Variants in SCHIP1 observed in about 807,000 individuals in gnomAD.
The protein encoded by SCHIP1 is schwannomin interacting protein 1, also known as schwannomin-interacting protein 1.
SCHIP1 carries 8 observed loss-of-function variants against 29.7 expected under a neutral mutation model. The ratio of observed to expected loss-of-function variants is 0.27; its 90% CI spans 0.16 to 0.49. SCHIP1 has a LOEUF of 0.49. SCHIP1 is among the 20% of genes least tolerant of loss of function. The pLI is 0.99. For synonymous variants in SCHIP1, 76 were observed against 94.9 expected (o/e 0.80, Z 1.16); for missense variants, 193 against 294.6 (o/e 0.66, Z 2.52).
At chr3:159,572,463 T>G in the SCHIP1 span, among the ~76,000 whole-genome samples, 8 of 152,360 alleles carry the variant, frequency 5.3e-5, no homozygotes, top group Non-Finnish European at 8.8e-5. Context: ...CTAATTTGAT[T>G]GCACTGTGGT....
At chr3:159,765,222 C>T in the SCHIP1 span, 3 of 1,398,720 alleles carry the variant, frequency 2.1e-6, no homozygotes, top group African/African-American at 3.0e-5. Flanking sequence ...CCCTGCGCTC[C>T]CGCCCGCCCG....
chr3:159,856,798 C>G (rs1713424936), intron 1 of SCHIP1, among the ~76,000 whole-genome samples: 2 of 152,156 alleles, frequency 1.3e-5, no homozygotes, highest in Admixed American at 1.3e-4. Context: ...TAAAGTGAAG[C>G]CACAGCTGCG....
chr3:159,714,966 C>T, the SCHIP1 span, among the ~76,000 whole-genome samples: 8 of 152,212 alleles, frequency 5.3e-5, no homozygotes, highest in Non-Finnish European at 7.3e-5. Flanking sequence ...CCCTAACCCC[C>T]GAGTAGCCTA....
chr3:159,404,289 G>A, the SCHIP1 span, among the ~76,000 whole-genome samples: 1 of 152,100 alleles, frequency 6.6e-6, no homozygotes, highest in African/African-American at 2.4e-5. Flanking sequence ...TGCAGCTTAG[G>A]TACTAGCTAG....
the SCHIP1 span, among the ~76,000 whole-genome samples, chr3:159,394,416 G>GTTTT: frequency 6.6e-6 from 1 of 152,104 alleles, no homozygotes; most frequent in Non-Finnish European, 1.5e-5. Flanking sequence ...AATGCTTCCA[G>GTTTT]TGTTTGCCCA....
the SCHIP1 span, among the ~76,000 whole-genome samples, chr3:159,407,333 G>A: frequency 6.6e-6 from 1 of 152,064 alleles, no homozygotes; most frequent in Admixed American, 6.5e-5. Flanking sequence ...TCAGCAAGAG[G>A]ATATATCAAT....
At chr3:159,415,547 A>G in the SCHIP1 span, among the ~76,000 whole-genome samples, 11 of 152,170 alleles carry the variant, frequency 7.2e-5, no homozygotes, top group African/African-American at 2.6e-4. Context: ...AGAATGTGGT[A>G]TTTGGTTTTC....
chr3:159,687,414 C>A, the SCHIP1 span, among the ~76,000 whole-genome samples: 1 of 152,108 alleles, frequency 6.6e-6, no homozygotes, highest in Non-Finnish European at 1.5e-5. Flanking sequence ...CTGAAGAATT[C>A]TTTCTGTTTT....
chr3:159,472,996 T>C, the SCHIP1 span, among the ~76,000 whole-genome samples: 3 of 152,280 alleles, frequency 2.0e-5, no homozygotes, highest in East Asian at 5.8e-4. Context: ...CTAGTCCCAG[T>C]GAGTGATCAT....
the SCHIP1 span, among the ~76,000 whole-genome samples, chr3:159,275,882 C>A: frequency 3.3e-5 from 5 of 152,022 alleles, no homozygotes; most frequent in African/African-American, 1.2e-4. Flanking sequence ...TGTGAACAAT[C>A]TTAAATTTAG....
chr3:159,678,802 T>A, the SCHIP1 span, among the ~76,000 whole-genome samples: 3 of 152,212 alleles, frequency 2.0e-5, no homozygotes, highest in African/African-American at 7.2e-5. Context: ...GGAAGGCACC[T>A]CTTCACAGAG....
the SCHIP1 span, among the ~76,000 whole-genome samples, chr3:159,450,478 G>T: frequency 6.6e-6 from 1 of 152,296 alleles, no homozygotes; most frequent in East Asian, 1.9e-4. Flanking sequence ...GGTAACTAAG[G>T]CTTTTGGAAG....
At chr3:159,887,825 C>T in exon 4 of SCHIP1, 1 of 1,614,038 alleles carries the variant, frequency 6.2e-7, no homozygotes, top group Admixed American at 1.7e-5. Flanking sequence ...CAAAATGGCC[C>T]TTGCCATGGC....
At chr3:159,809,736 C>G in the SCHIP1 span, among the ~76,000 whole-genome samples, 1 of 151,760 alleles carries the variant, frequency 6.6e-6, no homozygotes, top group South Asian at 2.1e-4. Context: ...TGCAGTGGCT[C>G]ATGCCTGTAA....
chr3:159,611,088 G>A, the SCHIP1 span, among the ~76,000 whole-genome samples: 1 of 152,138 alleles, frequency 6.6e-6, no homozygotes, highest in South Asian at 2.1e-4. Context: ...CTTGGCCATG[G>A]ACTCTGTGGT....
chr3:159,402,552 CT>C, the SCHIP1 span, among the ~76,000 whole-genome samples: 1 of 152,130 alleles, frequency 6.6e-6, no homozygotes, highest in African/African-American at 2.4e-5. Context: ...ACATGATAGA[CT>C]GGATTAAGAA....
At chr3:159,672,612 GACAGAAGCCAGGGATTCTAA>G in the SCHIP1 span, among the ~76,000 whole-genome samples, 1 of 152,218 alleles carries the variant, frequency 6.6e-6, no homozygotes, top group African/African-American at 2.4e-5. Context: ...TACTAGCATA[GACAGAAGCCAGGGATTCTAA>G]ACATCCTACA....
the SCHIP1 span, among the ~76,000 whole-genome samples, chr3:159,497,023 C>T: frequency 6.6e-6 from 1 of 152,140 alleles, no homozygotes; most frequent in African/African-American, 2.4e-5. Context: ...CCAAACACCA[C>T]ATGTTCTCAC....
At chr3:159,469,432 C>T in the SCHIP1 span, among the ~76,000 whole-genome samples, 3 of 152,086 alleles carry the variant, frequency 2.0e-5, no homozygotes, top group Non-Finnish European at 4.4e-5. Context: ...TAAATATTCT[C>T]TGAGCTTCCA....
Sources: gnomAD v4.1 joint callset for allele counts (sites outside exome capture counted in the v4.1 genomes callset) on GRCh38, gnomAD v4.1.1 for gene constraint, MANE v1.5 for transcripts, NCBI Gene and HGNC (gene_info 2026-07-23, HGNC 2026-07-21) for gene names.